LHCGR: variants seen among roughly 807,000 people sequenced by gnomAD.
LHCGR encodes luteinizing hormone/choriogonadotropin receptor.
A neutral mutation model predicts 60.7 loss-of-function variants in LHCGR; 55 were observed. The observed-to-expected ratio is 0.91, with a 90% CI of 0.73 to 1.13. LHCGR has a LOEUF of 1.13. Ranked by LOEUF, LHCGR falls within the 50% of genes most tolerant of loss-of-function variation. LHCGR has a pLI of 0.00. For missense variants in LHCGR, 862 were observed against 836.0 expected (o/e 1.03, Z -0.38); for synonymous variants, 337 against 316.5 (o/e 1.06, Z -0.69).
At chr2:48,746,373 G>C (rs1669706547) in intron 1 of LHCGR, among the ~76,000 whole-genome samples, 1 of 152,054 alleles carries the variant, frequency 6.6e-6, no homozygotes, top group Non-Finnish European at 1.5e-5. Flanking sequence ...TCTTTCTTTT[G>C]GGCTCAGATA....
intron 7 of LHCGR, among the ~76,000 whole-genome samples, chr2:48,712,959 T>C (rs1668065192): frequency 6.6e-6 from 1 of 152,134 alleles, no homozygotes. Context: ...TGGTTACATA[T>C]CTATAATTAA....
intron 2 of LHCGR, among the ~76,000 whole-genome samples, chr2:48,729,990 G>A (rs1668917678): frequency 6.6e-6 from 1 of 152,142 alleles, no homozygotes; most frequent in Admixed American, 6.6e-5. Context: ...TGTCATATAT[G>A]ATTCGCAAGC....
At position 48,687,169 on chromosome 2, in the gene LHCGR, A is replaced by G. The variant is rs73928203; in HGVS notation, c.*528T>C. ...TGGTAAGCACTAGTCACACGTAGCC[A>G]TTGAGAACTTGAAACGTGGCTAGTG... On this transcript the variant is annotated 3_prime_UTR_variant, in exon 11 of 11. Transcript: ENST00000294954. 0.038 allele frequency: 6,068 copies of G among 159,004 alleles called. 394 individuals are homozygous for G. The highest frequency in any genetic ancestry group is 0.14 in the African/African-American group (5,765 of 41,554). The allele number at this position is 159,004 out of a possible 1,614,324, so 9.8% of individuals were successfully genotyped here.
rs781695490 is a variant in LHCGR at position 48,687,751 on chromosome 2, T to G, written c.2046A>C (p.Thr682=). ...KPSQSTLKLS[T]LHCQGTALLD... ...GGAGAGCTGTACCTTGACAGTGCAA[T>G]GTGGACAACTTCAAGGTGGATTGAG... The change falls in exon 11 of 11, where the codon ACA becomes ACC. Residue 682 remains threonine, a synonymous_variant. Coordinates refer to ENST00000294954, the MANE Select transcript of LHCGR (RefSeq NM_000233.4). The G allele has an allele frequency of 1.2e-6, 2 of 1,614,154 alleles. No homozygotes were observed. The highest frequency in any genetic ancestry group is 4.5e-5 in the East Asian group (2 of 44,864).
rs928529622 is a variant in LHCGR at position 48,714,145 on chromosome 2, A to C, written c.537-91T>G. On this transcript the variant is annotated intron_variant, in intron 6 of 10. Coordinates refer to ENST00000294954, the MANE Select transcript of LHCGR (RefSeq NM_000233.4). ...TTTCCTCCTGTAACATATATTACTA[A>C]GGTTATTACAGGCATTCATAATATC... The C allele has an allele frequency of 1.6e-5, 13 of 813,628 alleles. No homozygotes were observed. The Admixed American group carries it at 2.1e-4, about 13-fold the overall frequency. The allele number at this position is 813,628 out of a possible 1,614,324, so 50.4% of individuals were successfully genotyped here. A position where few individuals can be genotyped will look rare whatever the true frequency, so the allele number is the denominator to read the frequency against.
At position 48,698,506 on chromosome 2, in the gene LHCGR, C is replaced by T. The variant is rs1667234375; in HGVS notation, c.866+109G>A. The T allele has an allele frequency of 1.2e-5, 10 of 856,120 alleles. No homozygotes were observed. The East Asian group carries it at 2.5e-4, about 21-fold the overall frequency. 53.0% of individuals were successfully genotyped at this position (856,120 alleles called of 1,614,324 possible). A position where few individuals can be genotyped will look rare whatever the true frequency, so the allele number is the denominator to read the frequency against. Reference sequence around the variant, plus strand: ...AGTGACCCCATGTCTACGGAGCTGGCCAAGAAGGTAGGGAGTGAAGGGGAG... The same window carrying T: ...AGTGACCCCATGTCTACGGAGCTGGTCAAGAAGGTAGGGAGTGAAGGGGAG... On this transcript the variant is annotated intron_variant, in intron 9 of 10. Coordinates refer to ENST00000294954, the MANE Select transcript of LHCGR (RefSeq NM_000233.4).
chr2:48,702,905 C>T (rs545784464), intron 8 of LHCGR, among the ~76,000 whole-genome samples: 1 of 152,192 alleles, frequency 6.6e-6, no homozygotes, highest in Non-Finnish European at 1.5e-5. Flanking sequence ...AAAAGTGTTC[C>T]TATTCCTCCA....
chr2:48,722,520 TC>T (rs1280064995), intron 6 of LHCGR, among the ~76,000 whole-genome samples: 5 of 152,120 alleles, frequency 3.3e-5, no homozygotes, highest in Admixed American at 3.3e-4. Flanking sequence ...TTTAGCACCA[TC>T]CCCCTAGTGC....
At position 48,733,936 on chromosome 2, in the gene LHCGR, A is replaced by G. The variant is rs145282811; in HGVS notation, c.162-2638T>C. Among the ~76,000 whole-genome samples the G allele has an allele frequency of 6.3e-3, 966 of 152,324 alleles. 5 individuals carry two copies. Among genetic ancestry groups the G allele is most frequent in the Non-Finnish European group, 0.01 (710 of 68,030 alleles). ...GTCCCACTCTCTATTGGATGCATCTATGATTCTTTCCATGATGCCAGAAAC... is the reference window on the plus strand; with the variant it reads ...GTCCCACTCTCTATTGGATGCATCTGTGATTCTTTCCATGATGCCAGAAAC... On this transcript the variant is annotated intron_variant, in intron 1 of 10. Transcript: ENST00000294954.
Position 48,725,680 on chromosome 2 carries a change from A to C in LHCGR, c.379T>G (p.Tyr127Asp). 6.2e-7 allele frequency: 1 copy of C among 1,611,150 alleles called. No homozygotes were observed. Among genetic ancestry groups the C allele is most frequent in the Non-Finnish European group, 8.5e-7 (1 of 1,177,430 alleles). Residue 127 changes from tyrosine to aspartate, a missense_variant, in exon 4 of 11, where the codon TAC becomes GAC. Transcript: ENST00000294954. ...GAFINLPRLK[Y>D]LSICNTGIRK... ...TTAAAAAGGAAAATTTCTCACAAGTATTTTAATCGGGGAAGATTTATAAAT... is the reference window on the plus strand; with the variant it reads ...TTAAAAAGGAAAATTTCTCACAAGTCTTTTAATCGGGGAAGATTTATAAAT...
chr2:48,747,322 C>A (rs1018813580), intron 1 of LHCGR, among the ~76,000 whole-genome samples: 1 of 152,106 alleles, frequency 6.6e-6, no homozygotes, highest in African/African-American at 2.4e-5. Context: ...AAACTCCTGA[C>A]CTCAAGTGAT....
At chr2:48,700,837 G>C (rs548835758) in intron 8 of LHCGR, among the ~76,000 whole-genome samples, 3 of 152,170 alleles carry the variant, frequency 2.0e-5, no homozygotes, top group African/African-American at 7.2e-5. Flanking sequence ...TTATGGGGTT[G>C]AGTGGATATT....
intron 1 of LHCGR, among the ~76,000 whole-genome samples, chr2:48,742,481 T>C (rs1669503065): frequency 6.6e-6 from 1 of 151,562 alleles, no homozygotes. Context: ...ACAGAAATTA[T>C]AACAAACTAT....
intron 10 of LHCGR, among the ~76,000 whole-genome samples, chr2:48,691,732 G>C (rs899713436): frequency 6.6e-6 from 1 of 151,820 alleles, no homozygotes; most frequent in Non-Finnish European, 1.5e-5. Flanking sequence ...TGTAATCCCA[G>C]CTACTTGGGA....
At chr2:48,699,482 A>T (rs1193956670) in intron 8 of LHCGR, among the ~76,000 whole-genome samples, 1 of 152,114 alleles carries the variant, frequency 6.6e-6, no homozygotes, top group South Asian at 2.1e-4. Flanking sequence ...CAGCCAGCAC[A>T]TGCAGTTACA....
intron 1 of LHCGR, among the ~76,000 whole-genome samples, chr2:48,749,609 C>G (rs1669862525): frequency 6.6e-6 from 1 of 151,658 alleles, no homozygotes; most frequent in Admixed American, 6.6e-5. Flanking sequence ...CCTTTGTTGC[C>G]TCATTTCAAG....
Position 48,744,773 on chromosome 2 carries a change from A to G in LHCGR, c.161+10738T>C, listed in dbSNP as rs1264006171. Among the ~76,000 whole-genome samples the G allele has an allele frequency of 7.3e-5, 11 of 151,430 alleles. No individual in the cohort carries two copies. The East Asian group carries it at 2.1e-3, about 29-fold the overall frequency. On this transcript the variant is annotated intron_variant, in intron 1 of 10. Transcript: ENST00000294954. ...GAAAACCCAGGCATTACCATTCAGG[A>G]CATAGGCATGGGCAAGGACTTCATG...
intron 10 of LHCGR, among the ~76,000 whole-genome samples, chr2:48,692,553 G>A (rs1459879680): frequency 1.3e-5 from 2 of 152,218 alleles, no homozygotes; most frequent in African/African-American, 2.4e-5. Flanking sequence ...GCACAGAGCT[G>A]TCTTTAGTAT....
chr2:48,710,586 G>A (rs769420585), intron 7 of LHCGR, among the ~76,000 whole-genome samples: 13 of 152,138 alleles, frequency 8.5e-5, no homozygotes, highest in African/African-American at 2.2e-4. Context: ...GTGACCTTGC[G>A]GTGTGAGAAG....
Sources: allele counts gnomAD v4.1 joint callset (sites outside exome capture counted in the v4.1 genomes callset), GRCh38; gene constraint gnomAD v4.1.1; transcripts MANE v1.5; gene names NCBI Gene and HGNC (gene_info 2026-07-23, HGNC 2026-07-21).